The following LRRC4C variants were observed in gnomAD, a reference collection of about 807,000 sequenced individuals.
LRRC4C encodes leucine-rich repeat-containing protein 4C.
A neutral mutation model predicts 33.6 loss-of-function variants in LRRC4C; 5 were observed. The ratio of observed to expected loss-of-function variants is 0.15; its 90% CI spans 0.08 to 0.31. The LOEUF (loss-of-function observed/expected upper bound fraction) is 0.31, where lower values mean the gene tolerates loss of function less well. Ranked by LOEUF, LRRC4C falls within the 10% of genes least tolerant of loss-of-function variation. The probability of loss-of-function intolerance (pLI) is 1.00; values close to 1 mark genes in which losing one functional copy is unlikely to be tolerated. For synonymous variants in LRRC4C, 329 were observed against 302.0 expected (o/e 1.09, Z -0.93); for missense variants, 560 against 796.7 (o/e 0.70, Z 3.58).
chr11:41,362,554 GA>G (rs1477801410), intron 1 of LRRC4C, among the ~76,000 whole-genome samples: 3 of 151,874 alleles, frequency 2.0e-5, no homozygotes, highest in South Asian at 2.1e-4. Flanking sequence ...GGGGTCCAGG[GA>G]GTTCCTACTT....
At chr11:40,804,577 T>C (rs1046382164) in intron 2 of LRRC4C, among the ~76,000 whole-genome samples, 1 of 152,298 alleles carries the variant, frequency 6.6e-6, no homozygotes, top group African/African-American at 2.4e-5. Context: ...CTCCCTTTAT[T>C]CTTCCACTGT....
chr11:40,898,890 G>A lies in LRRC4C; in HGVS notation c.-407+34745C>T, dbSNP rs566972091. Reference sequence around the variant, plus strand: ...CACAGACCTGTCACTGATACACAAAGCTACTTGGTATCTGCAGAAGATTCC... The same window carrying A: ...CACAGACCTGTCACTGATACACAAAACTACTTGGTATCTGCAGAAGATTCC... On this transcript the variant is annotated intron_variant, in intron 2 of 6. Coordinates refer to ENST00000528697, the MANE Select transcript of LRRC4C (RefSeq NM_001258419.2). 2.0e-3 allele frequency among the ~76,000 whole-genome samples: 307 copies of A among 152,064 alleles called. 1 individual carries two copies. In the South Asian group the frequency reaches 0.028, roughly 14 times the overall value.
intron 2 of LRRC4C, among the ~76,000 whole-genome samples, chr11:40,814,074 C>T (rs1951604926): frequency 6.6e-6 from 1 of 152,112 alleles, no homozygotes; most frequent in African/African-American, 2.4e-5. Flanking sequence ...CTCACGGTTC[C>T]ACTAGGCAGT....
intron 2 of LRRC4C, among the ~76,000 whole-genome samples, chr11:40,872,645 A>C (rs1277622104): frequency 6.6e-6 from 1 of 152,102 alleles, no homozygotes; most frequent in Non-Finnish European, 1.5e-5. Context: ...AAAGATATTA[A>C]TATGAAGCTT....
At chr11:40,209,547 A>G (rs537240074) in intron 5 of LRRC4C, among the ~76,000 whole-genome samples, 26 of 152,208 alleles carry the variant, frequency 1.7e-4, no homozygotes, top group African/African-American at 6.3e-4. Flanking sequence ...ACAAAAATAT[A>G]TATACATATT....
intron 4 of LRRC4C, among the ~76,000 whole-genome samples, chr11:40,301,991 T>G (rs981872099): frequency 1.3e-5 from 2 of 152,152 alleles, no homozygotes; most frequent in African/African-American, 2.4e-5. Flanking sequence ...AAAATAAGTA[T>G]GTATAAAGAA....
chr11:40,360,370 T>C (rs1365118797), intron 3 of LRRC4C, among the ~76,000 whole-genome samples: 4 of 152,122 alleles, frequency 2.6e-5, no homozygotes, highest in Non-Finnish European at 4.4e-5. Flanking sequence ...AATCATTACA[T>C]GAGTACTGAT....
intron 2 of LRRC4C, among the ~76,000 whole-genome samples, chr11:40,772,872 T>C (rs1039840981): frequency 3.3e-5 from 5 of 152,040 alleles, no homozygotes; most frequent in African/African-American, 1.2e-4. Context: ...ACAAAGGAAA[T>C]CAGTATATCA....
chr11:41,406,997 A>T (rs1954266481), intron 1 of LRRC4C, among the ~76,000 whole-genome samples: 2 of 152,180 alleles, frequency 1.3e-5, no homozygotes, highest in Non-Finnish European at 2.9e-5. Context: ...TCTTGTAATT[A>T]CAGTGTGGTA....
At chr11:41,237,735 C>A (rs1948083899) in intron 1 of LRRC4C, among the ~76,000 whole-genome samples, 1 of 152,104 alleles carries the variant, frequency 6.6e-6, no homozygotes. Context: ...TTCACGGTGA[C>A]TTTTTCCCTT....
chr11:41,213,702 G>A (rs1946918456), intron 1 of LRRC4C, among the ~76,000 whole-genome samples: 1 of 152,172 alleles, frequency 6.6e-6, no homozygotes, highest in African/African-American at 2.4e-5. Flanking sequence ...AACAGATAAA[G>A]TGCAGGGTAA....
intron 1 of LRRC4C, among the ~76,000 whole-genome samples, chr11:41,184,344 C>T (rs1314287763): frequency 1.3e-5 from 2 of 152,122 alleles, no homozygotes; most frequent in African/African-American, 2.4e-5. Flanking sequence ...CCTTTAACAG[C>T]ACCCATGTCA....
chr11:40,483,297 T>C (rs1191418127), intron 3 of LRRC4C, among the ~76,000 whole-genome samples: 2 of 151,802 alleles, frequency 1.3e-5, no homozygotes, highest in African/African-American at 4.8e-5. Flanking sequence ...ACGGAGGAAA[T>C]GAAGAGAAAA....
At chr11:40,505,036 G>T (rs1954964672) in intron 3 of LRRC4C, among the ~76,000 whole-genome samples, 1 of 151,966 alleles carries the variant, frequency 6.6e-6, no homozygotes, top group African/African-American at 2.4e-5. Flanking sequence ...TTTTGTTTTT[G>T]TTTTTTTCTC....
intron 1 of LRRC4C, among the ~76,000 whole-genome samples, chr11:40,956,240 T>C (rs530178305): frequency 5.4e-4 from 82 of 151,924 alleles, no homozygotes; most frequent in African/African-American, 2.0e-3. Flanking sequence ...ATTTCATTCC[T>C]GGATTGTAAA....
At chr11:41,088,559 T>G (rs774655905) in intron 1 of LRRC4C, among the ~76,000 whole-genome samples, 7 of 152,050 alleles carry the variant, frequency 4.6e-5, no homozygotes, top group Non-Finnish European at 1.0e-4. Flanking sequence ...AATTTGAAAA[T>G]GTTGAGGCAG....
At chr11:40,901,072 T>C (rs1956176052) in intron 2 of LRRC4C, among the ~76,000 whole-genome samples, 1 of 152,084 alleles carries the variant, frequency 6.6e-6, no homozygotes, top group South Asian at 2.1e-4. Context: ...CCTTTTCTTT[T>C]ATGTAAAAAT....
At chr11:40,728,655 T>G (rs1169470154) in intron 2 of LRRC4C, among the ~76,000 whole-genome samples, 1 of 148,396 alleles carries the variant, frequency 6.7e-6, no homozygotes, top group Non-Finnish European at 1.5e-5. Context: ...AAAATTCATG[T>G]TATCAAAAAG....
intron 3 of LRRC4C, among the ~76,000 whole-genome samples, chr11:40,390,713 G>C (rs1565342486): frequency 6.6e-6 from 1 of 152,124 alleles, no homozygotes; most frequent in Non-Finnish European, 1.5e-5. Flanking sequence ...CTAGGGAAGG[G>C]TCAGGGACCT....
Sources: gnomAD v4.1 joint callset for allele counts (sites outside exome capture counted in the v4.1 genomes callset) on GRCh38, gnomAD v4.1.1 for gene constraint, MANE v1.5 for transcripts, NCBI Gene and HGNC (gene_info 2026-07-23, HGNC 2026-07-21) for gene names.